XIAP: variants seen among roughly 807,000 people sequenced by gnomAD.
XIAP encodes the protein E3 ubiquitin-protein ligase XIAP.
Under a neutral mutation model 33.1 loss-of-function variants are expected in XIAP, and 3 were observed. The observed-to-expected ratio is 0.09, with a 90% CI of 0.04 to 0.23. The LOEUF is 0.23. XIAP is among the 10% of genes least tolerant of loss of function. The pLI is 1.00. For missense variants in XIAP, 264 were observed against 363.0 expected (o/e 0.73, Z 2.22); for synonymous variants, 98 against 121.3 (o/e 0.81, Z 1.26).
Position 123,900,595 on chromosome X carries a change from G to A in XIAP, c.1202G>A (p.Gly401Glu), listed in dbSNP as rs2053506750. ...KIMEEKIQIS[G>E]SNYKSLEVLV... The stretch of plus-strand genomic sequence containing the variant: ...ATGGAGGAAAAAATTCAGATATCTG[G>A]GAGCAACTATAAATCACTTGAGGTT... The change falls in exon 6 of 7, where the codon GGG becomes GAG. Residue 401 changes from glycine (G) to glutamate (E), a missense_variant. Transcript: ENST00000371199. The A allele has an allele frequency of 8.3e-7, 1 of 1,210,798 alleles. No individual in the cohort carries two copies. Among genetic ancestry groups the A allele is most frequent in the African/African-American group, 1.7e-5 (1 of 57,693 alleles).
intron 1 of XIAP, among the ~76,000 whole-genome samples, chrX:123,871,443 C>T (rs2053192470): frequency 1.8e-5 from 2 of 111,547 alleles, no homozygotes; most frequent in African/African-American, 6.5e-5. Flanking sequence ...CAGTAAGTTC[C>T]GGTTCCATGC....
Position 123,869,362 on chromosome X carries a change from C to CAAAAAAAAAAAAAAAAA in XIAP, c.-33+9075_-33+9091dup, listed in dbSNP as rs57436822. On this transcript the variant is annotated intron_variant, in intron 1 of 6. Transcript: ENST00000371199. Reference sequence around the variant, plus strand: ...AAACCCCATCTCTACTAAAAAAATACAAAAAAAAAAAAAAAAAAAAAAGCT... The same window carrying CAAAAAAAAAAAAAAAAA: ...AAACCCCATCTCTACTAAAAAAATACAAAAAAAAAAAAAAAAAAAAAAAAAAAAAAAAAAAAAAAGCT... Among the ~76,000 whole-genome samples, 56 of 29,713 alleles carry CAAAAAAAAAAAAAAAAA rather than the reference C, an allele frequency of 1.9e-3. 2 individuals carry two copies. Among genetic ancestry groups the CAAAAAAAAAAAAAAAAA allele is most frequent in the African/African-American group, 2.1e-3 (14 of 6,662 alleles). 25.8% of individuals were successfully genotyped at this position (29,713 alleles called of 115,157 possible). A position where few individuals can be genotyped will look rare whatever the true frequency, so the allele number is the denominator to read the frequency against.
rs1195092873 is a variant in XIAP at position 123,909,205 on chromosome X, A to G, written c.*2024A>G. On this transcript the variant is annotated 3_prime_UTR_variant, in exon 7 of 7. Transcript: ENST00000371199. ...CACCATGCCCGACTAATTTTTTTTT[A>G]TTTTTAGTAGAGACGGGGTTTCACC... The G allele has an allele frequency of 3.6e-6, 1 of 278,637 alleles. No homozygotes were observed. The allele number at this position is 278,637 out of a possible 1,213,427, so 23.0% of individuals were successfully genotyped here.
rs1290901453 is a variant in XIAP, at chrX:123,911,199, T to G, written c.*4018T>G. ...TCTCATAGATAAGATATAAATCAGC[T>G]GGGCGCGGTGGCTCATGCCTGTAAT... On this transcript the variant is annotated 3_prime_UTR_variant, in exon 7 of 7. Transcript: ENST00000371199. 3.1e-6 allele frequency: 1 copy of G among 321,605 alleles called. No individual in the cohort carries two copies. The highest frequency in any genetic ancestry group is 5.9e-6 in the Non-Finnish European group (1 of 169,357). 26.5% of individuals were successfully genotyped at this position (321,605 alleles called of 1,213,427 possible).
intron 5 of XIAP, among the ~76,000 whole-genome samples, chrX:123,899,142 AAAATAT>A (rs1201493904): frequency 5.1e-5 from 3 of 59,387 alleles, no homozygotes; most frequent in African/African-American, 2.0e-4. Flanking sequence ...AAAAAAAAAA[AAAATAT>A]ATATATATAT....
intron 5 of XIAP, among the ~76,000 whole-genome samples, chrX:123,899,147 ATAT>A: frequency 2.3e-5 from 1 of 42,595 alleles, no homozygotes; most frequent in Non-Finnish European, 4.2e-5. Flanking sequence ...AAAAAAAAAT[ATAT>A]ATATATATAT....
chrX:123,899,567 A>G (rs12687854), intron 5 of XIAP, among the ~76,000 whole-genome samples: 20,776 of 107,983 alleles, frequency 0.19, 1,483 homozygotes, highest in South Asian at 0.39. Flanking sequence ...TTCTATTACC[A>G]TAGATTAATT....
chrX:123,885,521 T>C (rs935037989), intron 1 of XIAP, 110 bp from the exon 2 acceptor site: 3 of 573,921 alleles, frequency 5.2e-6, no homozygotes, highest in Non-Finnish European at 8.3e-6. Context: ...TTCTTAGCGG[T>C]CGTGTAGTTA....
intron 4 of XIAP, 54 bp downstream of exon 4, chrX:123,891,370 A>G (rs2053406183): frequency 3.4e-6 from 2 of 595,801 alleles, no homozygotes; most frequent in South Asian, 6.4e-5. Context: ...TATAATTTAT[A>G]TTTTCATTAT....
intron 1 of XIAP, 172 bp downstream of exon 1, chrX:123,860,465 T>G (rs931613580): frequency 1.5e-5 from 4 of 259,498 alleles, no homozygotes; most frequent in African/African-American, 1.1e-4. Context: ...CCCGGGTTCC[T>G]CGGACTGCCG....
At position 123,900,693 on chromosome X, in the gene XIAP, G is replaced by A. The variant is rs1453677473; in HGVS notation, c.1300G>A (p.Glu434Lys). 1 of 1,206,284 alleles carries A rather than the reference G, an allele frequency of 8.3e-7. No individual in the cohort carries two copies. Among genetic ancestry groups the A allele is most frequent in the Admixed American group, 2.2e-5 (1 of 45,649 alleles). Reference sequence around the variant, plus strand: ...GTCAAGTCAGACTTCATTACAGAAAGGTATGCATTGCTGTTTTTAAAAAGC... The same window carrying A: ...GTCAAGTCAGACTTCATTACAGAAAAGTATGCATTGCTGTTTTTAAAAAGC... Reference protein sequence around the residue: ...DESSQTSLQKEISTEEQLRRL... With the variant: ...DESSQTSLQKKISTEEQLRRL... Residue 434 changes from glutamate (E) to lysine (K), a missense_variant and splice_region_variant, in exon 6 of 7, where the codon GAG becomes AAG. Transcript: ENST00000371199.
chrX:123,900,651 G>C lies in XIAP; in HGVS notation c.1258G>C (p.Asp420His), dbSNP rs781234970. 2 of 1,211,677 alleles carry C rather than the reference G, an allele frequency of 1.7e-6. No individual in the cohort carries two copies. Among genetic ancestry groups the C allele is most frequent in the Non-Finnish European group, 2.2e-6 (2 of 895,503 alleles). ...TGCAGATCTAGTGAATGCTCAGAAA[G>C]ACAGTATGCAAGATGAGTCAAGTCA... Reference protein sequence around the residue: ...LVADLVNAQKDSMQDESSQTS... With the variant: ...LVADLVNAQKHSMQDESSQTS... Residue 420 changes from aspartate to histidine, a missense_variant, in exon 6 of 7, where the codon GAC becomes CAC. By Grantham distance (81) the Asp-to-His change is moderately conservative. Coordinates refer to ENST00000371199, the MANE Select transcript of XIAP (RefSeq NM_001167.4).
At chrX:123,871,562 G>A (rs2053193470) in intron 1 of XIAP, among the ~76,000 whole-genome samples, 1 of 108,194 alleles carries the variant, frequency 9.2e-6, no homozygotes. Flanking sequence ...ATCAGCCCAG[G>A]CTGGAGTGGC....
chrX:123,895,962 A>G (rs972379170), intron 5 of XIAP, among the ~76,000 whole-genome samples: 2 of 111,183 alleles, frequency 1.8e-5, no homozygotes, highest in Non-Finnish European at 3.8e-5. Flanking sequence ...GGGTTTCGCT[A>G]TATTAGCCAG....
chrX:123,889,400 A>G (rs1006696355), intron 3 of XIAP, among the ~76,000 whole-genome samples: 8 of 107,168 alleles, frequency 7.5e-5, no homozygotes, highest in African/African-American at 2.4e-4. Flanking sequence ...GAGACAGGGT[A>G]TCACCATGTT....
rs2053506396 is a variant in XIAP at position 123,900,546 on chromosome X, A to G, written c.1153A>G (p.Ser385Gly). ...MVQEAIRMGF[S>G]FKDIKKIMEE... ...ACAAGAAGCTATACGAATGGGGTTC[A>G]GTTTCAAGGACATTAAGAAAATAAT... Residue 385 changes from serine (S) to glycine (G), a missense_variant, in exon 6 of 7, where the codon AGT becomes GGT. Coordinates refer to ENST00000371199, the MANE Select transcript of XIAP (RefSeq NM_001167.4). The G allele has an allele frequency of 8.3e-7, 1 of 1,209,387 alleles. No homozygotes were observed. The highest frequency in any genetic ancestry group is 1.1e-6 in the Non-Finnish European group (1 of 894,636).
chrX:123,868,384 A>G (rs2053163782), intron 1 of XIAP, among the ~76,000 whole-genome samples: 1 of 110,952 alleles, frequency 9.0e-6, no homozygotes, highest in Non-Finnish European at 1.9e-5. Flanking sequence ...AACCCATTAT[A>G]ATAGTTTTTA....
chrX:123,893,217 T>C (rs1303873356), intron 5 of XIAP, among the ~76,000 whole-genome samples: 2 of 110,319 alleles, frequency 1.8e-5, no homozygotes, highest in African/African-American at 3.3e-5. Flanking sequence ...ATGACATTAC[T>C]ATAAATTTAA....
At chrX:123,885,399 C>G (rs1161052222) in intron 1 of XIAP, among the ~76,000 whole-genome samples, 1 of 111,797 alleles carries the variant, frequency 8.9e-6, no homozygotes, top group Non-Finnish European at 1.9e-5. Flanking sequence ...TAGTTTTATT[C>G]TGCCTGCTTA....
Sources: gnomAD v4.1 joint callset for allele counts (sites outside exome capture counted in the v4.1 genomes callset) on GRCh38, gnomAD v4.1.1 for gene constraint, MANE v1.5 for transcripts, NCBI Gene and HGNC (gene_info 2026-07-23, HGNC 2026-07-21) for gene names.